SPATA13: variants seen among roughly 807,000 people sequenced by gnomAD.
SPATA13 encodes the protein spermatogenesis associated 13.
In SPATA13, 50 loss-of-function variants were observed where a neutral mutation model predicts 104.0. The ratio of observed to expected loss-of-function variants is 0.48; its 90% CI spans 0.38 to 0.61. The LOEUF (loss-of-function observed/expected upper bound fraction) is 0.61, where lower values mean the gene tolerates loss of function less well. Among genes scored for constraint, SPATA13 ranks in the 20% least tolerant of loss-of-function variants. The pLI, the probability that SPATA13 is intolerant of heterozygous loss-of-function variation, is 0.00. For missense variants in SPATA13, 1,524 were observed against 1,690.6 expected (o/e 0.90, Z 1.73); for synonymous variants, 606 against 667.5 (o/e 0.91, Z 1.42).
intron 1 of SPATA13, among the ~76,000 whole-genome samples, chr13:24,218,500 C>T (rs1871382050): frequency 6.6e-6 from 1 of 152,144 alleles, no homozygotes; most frequent in Non-Finnish European, 1.5e-5. Context: ...CACATGTTCC[C>T]TAGGGCAACA....
intron 3 of SPATA13, among the ~76,000 whole-genome samples, chr13:24,130,225 C>A (rs1881350327): frequency 6.6e-6 from 1 of 152,182 alleles, no homozygotes; most frequent in East Asian, 1.9e-4. Context: ...CGGGAGTCCA[C>A]CCTGGAAGCC....
At chr13:24,084,628 G>A (rs1722188885) in intron 3 of SPATA13, among the ~76,000 whole-genome samples, 1 of 152,178 alleles carries the variant, frequency 6.6e-6, no homozygotes, top group African/African-American at 2.4e-5. Context: ...CTCTGGTGGA[G>A]GACCACAGAG....
At chr13:24,198,653 C>T (rs1259128406) in intron 1 of SPATA13, among the ~76,000 whole-genome samples, 3 of 152,176 alleles carry the variant, frequency 2.0e-5, no homozygotes, top group East Asian at 1.9e-4. Context: ...TATGTATGTT[C>T]AAGCAAGGAG....
intron 2 of SPATA13, among the ~76,000 whole-genome samples, chr13:24,233,886 AACACACACACACACAC>A (rs10571334): frequency 4.7e-5 from 7 of 147,672 alleles, no homozygotes; most frequent in Admixed American, 2.7e-4. Context: ...TATACACTTA[AACACACACACACACAC>A]ACACACACAC....
rs113990315 is a variant in SPATA13, at chr13:23,987,001, CTGTGTGTGTG to C, written c.-147+3098_-147+3107del. On this transcript the variant is annotated intron_variant, in intron 2 of 14. Transcript: ENST00000424834. ...TTATTTTAGAGGTGAATGGATATAT[CTGTGTGTGTG>C]TGTGTGTGTGTGTGTGTGTGTGTGT... is the stretch of plus-strand genomic sequence containing the variant. Among the ~76,000 whole-genome samples the C allele has an allele frequency of 3.1e-3, 443 of 141,518 alleles. 1 individual carries two copies. Among genetic ancestry groups the C allele is most frequent in the African/African-American group, 0.011 (410 of 37,818 alleles). The allele number at this position is 141,518 out of a possible 152,430, so 92.8% of individuals were successfully genotyped here.
chr13:24,164,988 A>C (rs948636683), intron 1 of SPATA13, among the ~76,000 whole-genome samples: 5 of 152,140 alleles, frequency 3.3e-5, no homozygotes. Flanking sequence ...CGCAGAATGC[A>C]AGGAGAATGG....
intron 2 of SPATA13, among the ~76,000 whole-genome samples, chr13:23,993,970 GTTTTTTTTTTTTTTTC>G (rs1278020816): frequency 7.4e-6 from 1 of 134,588 alleles, no homozygotes; most frequent in East Asian, 2.1e-4. Flanking sequence ...TGGTGGTGGT[GTTTTTTTTTTTTTTTC>G]TTTTTTTTTT....
chr13:23,994,180 A>G (rs547420688), intron 2 of SPATA13, among the ~76,000 whole-genome samples: 4 of 152,302 alleles, frequency 2.6e-5, no homozygotes, highest in African/African-American at 7.2e-5. Context: ...TAAAGGAAAC[A>G]CTACTGTGAA....
At chr13:24,116,790 G>C (rs1400185570) in intron 3 of SPATA13, among the ~76,000 whole-genome samples, 1 of 147,988 alleles carries the variant, frequency 6.8e-6, no homozygotes, top group Non-Finnish European at 1.5e-5. Flanking sequence ...CCAATGTGCT[G>C]ATGTTTGGAG....
At chr13:24,106,098 A>G (rs8000702) in intron 3 of SPATA13, among the ~76,000 whole-genome samples, 337 of 152,300 alleles carry the variant, frequency 2.2e-3, no homozygotes, top group African/African-American at 7.8e-3. Flanking sequence ...CAGTGGCACA[A>G]TCATGGCTCA....
chr13:24,119,952 G>A (rs567103781), intron 3 of SPATA13, among the ~76,000 whole-genome samples: 24 of 152,320 alleles, frequency 1.6e-4, no homozygotes, highest in African/African-American at 5.8e-4. Context: ...GGGAGCAAAT[G>A]CAGAAGTTTT....
intron 3 of SPATA13, among the ~76,000 whole-genome samples, chr13:24,056,812 C>T (rs1469673724): frequency 2.0e-5 from 3 of 151,990 alleles, no homozygotes; most frequent in Admixed American, 1.3e-4. Context: ...CCAAGCTGAT[C>T]GGGCCACAGG....
At chr13:24,107,067 G>A (rs7318909) in intron 3 of SPATA13, among the ~76,000 whole-genome samples, 71,442 of 149,316 alleles carry the variant, frequency 0.48, 17,362 homozygotes, top group Non-Finnish European at 0.53. Context: ...AAAAAAAAAA[G>A]GAAGAAATTT....
intron 1 of SPATA13, among the ~76,000 whole-genome samples, chr13:23,983,073 G>A (rs1013711998): frequency 3.9e-5 from 6 of 152,196 alleles, no homozygotes; most frequent in East Asian, 3.8e-4. Context: ...GAAGTTGATC[G>A]AAAACCAGCC....
chr13:24,056,716 G>C (rs1878558349), intron 3 of SPATA13, among the ~76,000 whole-genome samples: 1 of 152,148 alleles, frequency 6.6e-6, no homozygotes, highest in East Asian at 1.9e-4. Context: ...ATGATACATA[G>C]AAGGCTGTCT....
intron 4 of SPATA13, among the ~76,000 whole-genome samples, chr13:24,274,916 G>C (rs1874865346): frequency 6.6e-6 from 1 of 152,122 alleles, no homozygotes; most frequent in African/African-American, 2.4e-5. Context: ...ATGTCTCCTT[G>C]TTGTCAAGTG....
Position 24,045,085 on chromosome 13 carries a change from A to G in SPATA13, c.-112+27384A>G, listed in dbSNP as rs556380440. Among the ~76,000 whole-genome samples the G allele has an allele frequency of 1.3e-4, 19 of 151,612 alleles. No individual in the cohort carries two copies. The East Asian group carries it at 3.7e-3, about 29-fold the overall frequency. ...GGAGTTTGTAAGATTTTCCTCTTAC[A>G]ATGACATTTTTGAAAATCACCCTAT... On this transcript the variant is annotated intron_variant, in intron 3 of 14. Coordinates refer to the SPATA13 transcript ENST00000424834.
intron 3 of SPATA13, among the ~76,000 whole-genome samples, chr13:24,115,895 C>G (rs1880818660): frequency 6.6e-6 from 1 of 152,244 alleles, no homozygotes. Context: ...TGGATCTCTC[C>G]TGAGCACAGT....
At position 24,297,567 on chromosome 13, in the gene SPATA13, G is replaced by T. The variant is rs753692252; in HGVS notation, c.3415G>T (p.Asp1139Tyr). 8 of 1,614,120 alleles carry T rather than the reference G, an allele frequency of 5.0e-6. No homozygotes were observed. Among genetic ancestry groups the T allele is most frequent in the East Asian group, 4.5e-5 (2 of 44,898 alleles). ...MDEMELVDLG[D>Y]GRDKDCNLSV... is the part of the protein sequence containing the mutation. ...TGAGATGGAGCTTGTGGACCTGGGGGATGGGCGCGACAAGGACTGCAACCT... is the reference window on the plus strand; with the variant it reads ...TGAGATGGAGCTTGTGGACCTGGGGTATGGGCGCGACAAGGACTGCAACCT... Residue 1139 changes from aspartate to tyrosine, a missense_variant, in exon 11 of 13, where the codon GAT becomes TAT. Transcript: ENST00000382108.
Sources: allele counts gnomAD v4.1 joint callset (sites outside exome capture counted in the v4.1 genomes callset), GRCh38; gene constraint gnomAD v4.1.1; transcripts MANE v1.5; gene names NCBI Gene and HGNC (gene_info 2026-07-23, HGNC 2026-07-21).